The following YBEY variants were observed in gnomAD, a reference collection of about 807,000 sequenced individuals.
The protein encoded by YBEY is endoribonuclease YbeY.
In YBEY, 15 loss-of-function variants were observed where a neutral mutation model predicts 13.5. The ratio of observed to expected loss-of-function variants is 1.11; its 90% CI spans 0.75 to 1.72. YBEY has a LOEUF of 1.72. Among genes scored for constraint, YBEY ranks in the 40% most tolerant of loss-of-function variants. The pLI, the probability that YBEY is intolerant of heterozygous loss-of-function variation, is 0.00. For missense variants in YBEY, 244 were observed against 208.4 expected, an observed-to-expected ratio of 1.17 and a Z score of -1.05; for synonymous variants, 101 against 83.1, an observed-to-expected ratio of 1.21 and a Z score of -1.17.
In YBEY at chr21:46,295,528, C is replaced by T. The variant is rs545678147; in HGVS notation, c.340-634C>T. Among the ~76,000 whole-genome samples, 11 of 152,168 alleles carry T rather than the reference C, an allele frequency of 7.2e-5. No homozygotes were observed. In the East Asian group the frequency reaches 2.1e-3, roughly 30 times the overall value. ...TCTTCCCCCAGCTCTGGGCTCCATCCGGGTGCCCCTCCCCTGTGGGCTTTA... is the reference window on the plus strand; with the variant it reads ...TCTTCCCCCAGCTCTGGGCTCCATCTGGGTGCCCCTCCCCTGTGGGCTTTA... On this transcript the variant is annotated intron_variant, in intron 3 of 4. Transcript: ENST00000397701.
At chr21:46,296,377 G>A in intron 4 of YBEY, 147 bp downstream of exon 4, 3 of 851,130 alleles carry the variant, frequency 3.5e-6, no homozygotes, top group Non-Finnish European at 5.5e-6. Context: ...ACAGATGTTT[G>A]CTTTCAACAC....
chr21:46,308,460 C>CA, the YBEY span, among the ~76,000 whole-genome samples: 127 of 149,982 alleles, frequency 8.5e-4, no homozygotes, highest in South Asian at 1.7e-3. Context: ...GACTCCATCT[C>CA]AAAAAAAAAG....
At chr21:46,292,450 G>C (rs146863497) in intron 3 of YBEY, among the ~76,000 whole-genome samples, 3 of 152,200 alleles carry the variant, frequency 2.0e-5, no homozygotes, top group Admixed American at 6.5e-5. Flanking sequence ...GAGGGGATTC[G>C]TTTTAGGGAG....
the YBEY span, among the ~76,000 whole-genome samples, chr21:46,305,945 A>C: frequency 6.6e-6 from 1 of 152,062 alleles, no homozygotes; most frequent in African/African-American, 2.4e-5. Context: ...GTCTCAAAAA[A>C]AAAAAGAAAA....
In YBEY at chr21:46,286,987, T is replaced by C. The variant is rs1188490581; in HGVS notation, c.74T>C (p.Ile25Thr). The change falls in exon 2 of 5, where the codon ATT becomes ACT. Residue 25 changes from isoleucine (I) to threonine (T), a missense_variant. Coordinates refer to ENST00000397701, the MANE Select transcript of YBEY (RefSeq NM_001314025.2). ...GCGCCACTTCGCAGTAAGATCGAGA[T>C]TGTAAGGAGGATTTTAGGAGTGCAG... ...RRAPLRSKIE[I>T]VRRILGVQKF... The C allele has an allele frequency of 6.2e-7, 1 of 1,614,048 alleles. No homozygotes were observed.
intron 2 of YBEY, among the ~76,000 whole-genome samples, chr21:46,288,675 C>G (rs1170816774): frequency 7.8e-6 from 1 of 127,676 alleles, no homozygotes; most frequent in Non-Finnish European, 1.7e-5. Flanking sequence ...GAGACTCCGT[C>G]TCAAAAAGAA....
At chr21:46,291,521 G>A (rs758620705) in intron 3 of YBEY, 59 bp downstream of exon 3, 13 of 1,602,086 alleles carry the variant, frequency 8.1e-6, no homozygotes, top group Non-Finnish European at 8.5e-6. Context: ...CTTGCAAAGG[G>A]GTCAAGATCA....
chr21:46,296,533 G>A (rs1366386860), intron 4 of YBEY, among the ~76,000 whole-genome samples: 2 of 152,200 alleles, frequency 1.3e-5, no homozygotes, highest in East Asian at 1.9e-4. Flanking sequence ...CCAGGGCGGA[G>A]GCGGGAGCTC....
At chr21:46,301,831 C>T (rs114795895), downstream of YBEY, 547 of 1,263,102 alleles carry the variant, frequency 4.3e-4, 2 homozygotes, top group African/African-American at 7.7e-3. Flanking sequence ...GACCAGAAAG[C>T]GAGCCTGCCC....
At chr21:46,305,301 T>A in the YBEY span, among the ~76,000 whole-genome samples, 1 of 151,802 alleles carries the variant, frequency 6.6e-6, no homozygotes, top group African/African-American at 2.4e-5. Flanking sequence ...TTACATGGTT[T>A]TTTTTTTTTT....
chr21:46,302,067 C>A (rs1374262243), downstream of YBEY: 1 of 1,524,154 alleles, frequency 6.6e-7, no homozygotes, highest in Admixed American at 2.1e-5. Context: ...GGTGGCCACA[C>A]AGCATGGTGG....
intron 1 of YBEY, 196 bp from the exon 2 acceptor site, chr21:46,286,674 G>A (rs948329465): frequency 5.5e-6 from 2 of 364,648 alleles, no homozygotes; most frequent in African/African-American, 2.1e-5. Flanking sequence ...CGCCCGCCTG[G>A]AGTCCTTCTG....
the YBEY span, among the ~76,000 whole-genome samples, chr21:46,303,382 A>T: frequency 2.0e-5 from 3 of 151,890 alleles, no homozygotes; most frequent in South Asian, 6.2e-4. Flanking sequence ...TACAGACACC[A>T]TGAAGAGAGT....
chr21:46,296,130 T>G, intron 3 of YBEY, 32 bp from the exon 4 acceptor site: 2 of 1,613,216 alleles, frequency 1.2e-6, no homozygotes, highest in Non-Finnish European at 1.7e-6. Context: ...TGTGGGGTCA[T>G]CCTCTGAGCC....
At chr21:46,312,867 A>G in the YBEY span, 2 of 415,400 alleles carry the variant, frequency 4.8e-6, no homozygotes, top group Non-Finnish European at 6.5e-6. Flanking sequence ...AACTTGGTTA[A>G]TTACTGTCCT....
chr21:46,290,550 G>A (rs531982543), intron 2 of YBEY, among the ~76,000 whole-genome samples: 44 of 152,116 alleles, frequency 2.9e-4, no homozygotes, highest in African/African-American at 9.9e-4. Flanking sequence ...ACTTGTGTAC[G>A]GTTGGCTGGG....
At chr21:46,311,387 T>C in the YBEY span, 2 of 921,944 alleles carry the variant, frequency 2.2e-6, no homozygotes, top group Non-Finnish European at 3.2e-6. Context: ...CTGTCCTGCT[T>C]CCAGGAACAT....
the YBEY span, among the ~76,000 whole-genome samples, chr21:46,310,214 C>T: frequency 6.6e-6 from 1 of 151,990 alleles, no homozygotes; most frequent in Non-Finnish European, 1.5e-5. Context: ...TGGTGGCTCA[C>T]ACCTGTAATC....
At chr21:46,302,134 C>CG (rs35444111), downstream of YBEY, 1 of 1,508,776 alleles carries the variant, frequency 6.6e-7, no homozygotes, top group Non-Finnish European at 8.9e-7. Context: ...GTGGGACCCT[C>CG]GGGGGCACAT....
Sources: allele counts gnomAD v4.1 joint callset (sites outside exome capture counted in the v4.1 genomes callset), GRCh38; gene constraint gnomAD v4.1.1; transcripts MANE v1.5; gene names NCBI Gene and HGNC (gene_info 2026-07-23, HGNC 2026-07-21).